The following PTPRM variants were observed in gnomAD, a reference collection of about 807,000 sequenced individuals.
PTPRM encodes the protein protein tyrosine phosphatase receptor type M.
In PTPRM, 47 loss-of-function variants were observed where a neutral mutation model predicts 186.7. The observed-to-expected ratio is 0.25, with a 90% CI of 0.20 to 0.32. The LOEUF (loss-of-function observed/expected upper bound fraction) is 0.32, where lower values mean the gene tolerates loss of function less well. Among genes scored for constraint, PTPRM ranks in the 10% least tolerant of loss-of-function variants. The pLI, the probability that PTPRM is intolerant of heterozygous loss-of-function variation, is 1.00. For synonymous variants in PTPRM, 668 were observed against 674.9 expected (o/e 0.99, Z 0.16); for missense variants, 1,494 against 1,865.0 (o/e 0.80, Z 3.66).
intron 14 of PTPRM, among the ~76,000 whole-genome samples, chr18:8,237,431 A>ATTTTTTTTT (rs59073560): frequency 2.8e-5 from 2 of 71,672 alleles, no homozygotes; most frequent in African/African-American, 1.0e-4. Context: ...GATTCCCTCA[A>ATTTTTTTTT]TTTTTTTTTT....
chr18:8,029,441 C>G (rs1191915882), intron 7 of PTPRM, among the ~76,000 whole-genome samples: 1 of 152,014 alleles, frequency 6.6e-6, no homozygotes, highest in East Asian at 1.9e-4. Flanking sequence ...CTCCCCCACA[C>G]CTGTCCTGCC....
At chr18:8,006,408 C>T (rs533317123) in intron 7 of PTPRM, among the ~76,000 whole-genome samples, 265 of 152,286 alleles carry the variant, frequency 1.7e-3, no homozygotes, top group Middle Eastern at 0.01. Context: ...TAGCAGGAAG[C>T]ATTTGCATAT....
intron 20 of PTPRM, among the ~76,000 whole-genome samples, chr18:8,308,594 C>T (rs913541891): frequency 6.6e-6 from 1 of 152,058 alleles, no homozygotes; most frequent in African/African-American, 2.4e-5. Flanking sequence ...TTCTTTTTAT[C>T]GTGCTAAATA....
At chr18:8,075,414 C>G (rs1038629757) in intron 8 of PTPRM, among the ~76,000 whole-genome samples, 1 of 151,858 alleles carries the variant, frequency 6.6e-6, no homozygotes, top group Non-Finnish European at 1.5e-5. Context: ...ACTTCATCAC[C>G]AAAAAATGTG....
intron 7 of PTPRM, among the ~76,000 whole-genome samples, chr18:8,050,220 G>A (rs1221973327): frequency 1.3e-5 from 2 of 152,162 alleles, no homozygotes; most frequent in Non-Finnish European, 2.9e-5. Flanking sequence ...GACTGGTATG[G>A]AAAGCAAGAA....
chr18:7,712,932 T>C (rs764231193), intron 1 of PTPRM, among the ~76,000 whole-genome samples: 1 of 152,110 alleles, frequency 6.6e-6, no homozygotes, highest in Non-Finnish European at 1.5e-5. Context: ...TGGAACCAAG[T>C]TGGAAAACAC....
chr18:8,220,925 G>A, intron 14 of PTPRM, among the ~76,000 whole-genome samples: 1 of 152,266 alleles, frequency 6.6e-6, no homozygotes, highest in East Asian at 1.9e-4. Context: ...CATGAGGGCA[G>A]TTTCTTCATC....
chr18:8,406,345 C>T lies in PTPRM; in HGVS notation c.*183C>T. 3 of 594,126 alleles carry T rather than the reference C, an allele frequency of 5.0e-6. No individual in the cohort carries two copies. The highest frequency in any genetic ancestry group is 5.9e-6 in the Non-Finnish European group (2 of 338,982). 36.8% of individuals were successfully genotyped at this position (594,126 alleles called of 1,614,324 possible). On this transcript the variant is annotated 3_prime_UTR_variant, in exon 33 of 33. Coordinates refer to ENST00000580170, the MANE Select transcript of PTPRM (RefSeq NM_001105244.2). The stretch of plus-strand genomic sequence containing the variant: ...GCACTGCCCAATCCCAGTAATGCTG[C>T]TGCCTGACAGAAACACACACACAGC...
chr18:7,829,909 A>G (rs2045675958), intron 2 of PTPRM, among the ~76,000 whole-genome samples: 1 of 151,690 alleles, frequency 6.6e-6, no homozygotes, highest in South Asian at 2.1e-4. Flanking sequence ...TCAATGTTTG[A>G]GTATTGATTA....
chr18:7,719,190 A>G (rs967319766), intron 1 of PTPRM, among the ~76,000 whole-genome samples: 1 of 152,240 alleles, frequency 6.6e-6, no homozygotes, highest in African/African-American at 2.4e-5. Flanking sequence ...TGTGCTATGT[A>G]TACACTGGGA....
chr18:8,188,851 A>T (rs1307924353), intron 14 of PTPRM, among the ~76,000 whole-genome samples: 1 of 152,228 alleles, frequency 6.6e-6, no homozygotes, highest in Non-Finnish European at 1.5e-5. Context: ...ATCACCAGAG[A>T]TGATGTAAAA....
At chr18:8,162,587 C>T (rs1484786373) in intron 14 of PTPRM, among the ~76,000 whole-genome samples, 1 of 152,170 alleles carries the variant, frequency 6.6e-6, no homozygotes, top group Non-Finnish European at 1.5e-5. Context: ...GGGGACCACC[C>T]GCTACCTCCT....
chr18:8,232,722 C>T (rs2094301955), intron 14 of PTPRM, among the ~76,000 whole-genome samples: 1 of 152,114 alleles, frequency 6.6e-6, no homozygotes, highest in African/African-American at 2.4e-5. Context: ...TCAAATGATC[C>T]ACCCACTTTT....
At chr18:7,724,847 T>C (rs902467432) in intron 1 of PTPRM, among the ~76,000 whole-genome samples, 12 of 152,186 alleles carry the variant, frequency 7.9e-5, no homozygotes, top group Non-Finnish European at 1.5e-4. Context: ...ATTACTCTTA[T>C]AGTAGTGCTG....
intron 2 of PTPRM, among the ~76,000 whole-genome samples, chr18:7,791,056 C>G (rs1329134816): frequency 6.6e-6 from 1 of 152,140 alleles, no homozygotes; most frequent in African/African-American, 2.4e-5. Flanking sequence ...TATTTGAAGA[C>G]TCATCTTACA....
In PTPRM at chr18:7,955,110, T is replaced by C; in HGVS notation, c.839-11T>C. 1 of 1,581,708 alleles carries C rather than the reference T, an allele frequency of 6.3e-7. No homozygotes were observed. ...AGCATCTGAAAGACAGCTTTCTGGT[T>C]TGTCTTTCAGAACCACCCGTTCCTA... On this transcript the variant is annotated splice_polypyrimidine_tract_variant and intron_variant, in intron 6 of 32. Coordinates refer to ENST00000580170, the MANE Select transcript of PTPRM (RefSeq NM_001105244.2).
At chr18:8,372,056 CTTTTTTTTT>C (rs557766971) in intron 24 of PTPRM, among the ~76,000 whole-genome samples, 5,519 of 59,052 alleles carry the variant, frequency 0.093, 674 homozygotes, top group African/African-American at 0.18. Context: ...ACTCTATATT[CTTTTTTTTT>C]TTTTTTTTTT....
At chr18:7,624,258 C>T (rs1391221431) in intron 1 of PTPRM, among the ~76,000 whole-genome samples, 1 of 152,152 alleles carries the variant, frequency 6.6e-6, no homozygotes, top group African/African-American at 2.4e-5. Flanking sequence ...CTTGACTCTA[C>T]AGGCTTCCCA....
chr18:8,352,836 A>G (rs1218345684), intron 23 of PTPRM, among the ~76,000 whole-genome samples: 1 of 151,732 alleles, frequency 6.6e-6, no homozygotes, highest in East Asian at 1.9e-4. Context: ...ACGCCTGGCT[A>G]ACTTTTTGTA....
Sources: allele counts gnomAD v4.1 joint callset (sites outside exome capture counted in the v4.1 genomes callset), GRCh38; gene constraint gnomAD v4.1.1; transcripts MANE v1.5; gene names NCBI Gene and HGNC (gene_info 2026-07-23, HGNC 2026-07-21).